Variants in OTOP1 observed in about 807,000 individuals in gnomAD.
OTOP1 encodes proton channel OTOP1.
OTOP1 carries 59 observed loss-of-function variants against 52.9 expected under a neutral mutation model. The ratio of observed to expected loss-of-function variants is 1.12; its 90% CI spans 0.91 to 1.39. The LOEUF (loss-of-function observed/expected upper bound fraction) is 1.39. Among genes scored for constraint, OTOP1 ranks in the 40% most tolerant of loss-of-function variants. The pLI, the probability that OTOP1 is intolerant of heterozygous loss-of-function variation, is 0.00. For missense variants in OTOP1, 761 were observed against 800.9 expected, an observed-to-expected ratio of 0.95 and a Z score of 0.60; for synonymous variants, 317 against 337.7, an observed-to-expected ratio of 0.94 and a Z score of 0.67.
At chr4:4,222,160 G>A (rs1363103731) in intron 1 of OTOP1, among the ~76,000 whole-genome samples, 1 of 152,018 alleles carries the variant, frequency 6.6e-6, no homozygotes, top group Non-Finnish European at 1.5e-5. Context: ...TGCCTTTAGG[G>A]GCTCAGTCTG....
In OTOP1 at chr4:4,192,309, C is replaced by T. The variant is rs55720508; in HGVS notation, c.1669-3336G>A. Among the ~76,000 whole-genome samples the T allele has an allele frequency of 4.7e-3, 719 of 152,260 alleles. 5 individuals carry two copies. The highest frequency in any genetic ancestry group is 0.017 in the African/African-American group (694 of 41,556). On this transcript the variant is annotated intron_variant, in intron 5 of 5. Coordinates refer to ENST00000296358, the MANE Select transcript of OTOP1 (RefSeq NM_177998.3). ...GCCCAGCCTCCCAGCCACCCCCACCCAAGGCACCAGACCACGGAACTTCTG... is the reference window on the plus strand; with the variant it reads ...GCCCAGCCTCCCAGCCACCCCCACCTAAGGCACCAGACCACGGAACTTCTG...
At chr4:4,214,728 T>C (rs964129542) in intron 1 of OTOP1, among the ~76,000 whole-genome samples, 5 of 152,226 alleles carry the variant, frequency 3.3e-5, no homozygotes, top group Non-Finnish European at 5.9e-5. Context: ...AGGATTTCAT[T>C]ATATGAGGTA....
chr4:4,206,102 T>A lies in OTOP1; in HGVS notation c.569A>T (p.Asp190Val). 6.2e-7 allele frequency: 1 copy of A among 1,608,178 alleles called. No homozygotes were observed. The highest frequency in any genetic ancestry group is 8.5e-7 in the Non-Finnish European group (1 of 1,174,776). Reference protein sequence around the residue: ...QVYFLWGHAKDIIQSFKTLER... With the variant: ...QVYFLWGHAKVIIQSFKTLER... The stretch of plus-strand genomic sequence containing the variant: ...CAGTGTTTTGAAAGACTGGATAATA[T>A]CCTTTGCATGCCCCCAAAGAAAATA... The change falls in exon 3 of 6, where the codon GAT (aspartate) becomes GTT (valine). Residue 190 changes from aspartate to valine, a missense_variant. Transcript: ENST00000296358.
chr4:4,202,917 C>A (rs1316066996), intron 3 of OTOP1, among the ~76,000 whole-genome samples: 1 of 152,132 alleles, frequency 6.6e-6, no homozygotes, highest in Admixed American at 6.5e-5. Context: ...CACCCCAAAT[C>A]TTTTTCCCAG....
intron 1 of OTOP1, among the ~76,000 whole-genome samples, chr4:4,213,543 T>C (rs951138146): frequency 5.3e-5 from 8 of 152,222 alleles, no homozygotes; most frequent in African/African-American, 1.9e-4. Context: ...ATTAAATACC[T>C]CATATAATGA....
intron 2 of OTOP1, among the ~76,000 whole-genome samples, chr4:4,211,049 G>T (rs1444156399): frequency 1.3e-5 from 2 of 152,110 alleles, no homozygotes; most frequent in Non-Finnish European, 2.9e-5. Flanking sequence ...CCCTCAGCAA[G>T]CTCCCCAGTG....
chr4:4,199,233 T>TGAGAGAGAGA lies in OTOP1; in HGVS notation c.731-1140_731-1131dup, dbSNP rs71600542. Among the ~76,000 whole-genome samples, 223 of 98,550 alleles carry TGAGAGAGAGA rather than the reference T, an allele frequency of 2.3e-3. 17 individuals are homozygous for TGAGAGAGAGA. Among genetic ancestry groups the TGAGAGAGAGA allele is most frequent in the African/African-American group, 8.8e-3 (198 of 22,618 alleles). 64.7% of individuals were successfully genotyped at this position (98,550 alleles called of 152,430 possible). On this transcript the variant is annotated intron_variant, in intron 4 of 5. Coordinates refer to ENST00000296358, the MANE Select transcript of OTOP1 (RefSeq NM_177998.3). ...ACTCAGGTAAAATTGTGTGTGTGTG[T>TGAGAGAGAGA]GAGAGAGAGAGAGAGAGAGAGAGAG...
rs375579084 is a variant in OTOP1 at position 4,217,183 on chromosome 4, G to A, written c.404-4179C>T. On this transcript the variant is annotated intron_variant, in intron 1 of 5. Transcript: ENST00000296358. ...CATTCATCCAGGGATTCATTCACCC[G>A]GTTATTTATACAACAAATATCTTGG... 2.8e-4 allele frequency among the ~76,000 whole-genome samples: 42 copies of A among 152,244 alleles called. 1 individual carries two copies. The highest frequency in any genetic ancestry group is 9.7e-4 in the East Asian group (5 of 5,180).
chr4:4,218,928 CA>C (rs1159666646), intron 1 of OTOP1, among the ~76,000 whole-genome samples: 73 of 136,712 alleles, frequency 5.3e-4, no homozygotes, highest in Admixed American at 1.1e-3. Context: ...GACTCCGTCT[CA>C]AAAAAAAAAG....
At chr4:4,220,813 C>T (rs1717284244) in intron 1 of OTOP1, among the ~76,000 whole-genome samples, 1 of 152,082 alleles carries the variant, frequency 6.6e-6, no homozygotes, top group Admixed American at 6.6e-5. Context: ...CTTTGTTAGG[C>T]ACCCAAATCC....
intron 1 of OTOP1, among the ~76,000 whole-genome samples, chr4:4,219,526 C>T (rs550632207): frequency 1.1e-3 from 166 of 151,826 alleles, no homozygotes; most frequent in African/African-American, 3.9e-3. Flanking sequence ...ACGGTGAAAC[C>T]CCGTCTCTAC....
chr4:4,202,272 T>C (rs1176943763), intron 4 of OTOP1, among the ~76,000 whole-genome samples, 176 bp downstream of exon 4: 2 of 152,166 alleles, frequency 1.3e-5, no homozygotes, highest in African/African-American at 4.8e-5. Flanking sequence ...ACATCACTTA[T>C]GAGAGATTCA....
At chr4:4,207,131 A>G (rs1345762596) in intron 2 of OTOP1, among the ~76,000 whole-genome samples, 1 of 152,214 alleles carries the variant, frequency 6.6e-6, no homozygotes, top group African/African-American at 2.4e-5. Context: ...TTTACCTAAG[A>G]TTTACTGTCT....
intron 4 of OTOP1, among the ~76,000 whole-genome samples, chr4:4,201,502 A>T (rs994328712): frequency 6.6e-6 from 1 of 151,582 alleles, no homozygotes; most frequent in African/African-American, 2.4e-5. Flanking sequence ...ACACACACAT[A>T]CACACACACA....
intron 4 of OTOP1, among the ~76,000 whole-genome samples, chr4:4,198,827 T>C (rs1716711336): frequency 6.6e-6 from 1 of 152,162 alleles, no homozygotes; most frequent in South Asian, 2.1e-4. Flanking sequence ...CGATGCAGTC[T>C]CTGACCCATA....
intron 1 of OTOP1, among the ~76,000 whole-genome samples, chr4:4,225,879 G>T (rs1344522167): frequency 1.3e-5 from 2 of 152,194 alleles, no homozygotes; most frequent in Non-Finnish European, 2.9e-5. Flanking sequence ...GCAAAGCCGG[G>T]AGGAGAAGGG....
intron 5 of OTOP1, among the ~76,000 whole-genome samples, chr4:4,191,304 G>A (rs1303742211): frequency 1.3e-5 from 2 of 152,072 alleles, no homozygotes; most frequent in African/African-American, 4.8e-5. Flanking sequence ...GTGGCCCCCT[G>A]CCTGGTCTCC....
rs1160985447 is a variant in OTOP1, at chr4:4,188,971, A to C, written c.1671T>G (p.Leu557=). Residue 557 remains leucine (L), a splice_region_variant and synonymous_variant, in exon 6 of 6, where the codon CTT becomes CTG. Coordinates refer to ENST00000296358, the MANE Select transcript of OTOP1 (RefSeq NM_177998.3). The part of the protein sequence containing the change: ...AAFLFLCNIS[L]WIPPAFGCRP... Reference sequence around the variant, plus strand: ...GACAGCCAAAGGCGGGAGGTATCCAAAGCTGCAAGAGAAGAGAAAATGGCA... The same window carrying C: ...GACAGCCAAAGGCGGGAGGTATCCACAGCTGCAAGAGAAGAGAAAATGGCA... 5 of 1,611,398 alleles carry C rather than the reference A, an allele frequency of 3.1e-6. No individual in the cohort carries two copies. The highest frequency in any genetic ancestry group is 4.2e-6 in the Non-Finnish European group (5 of 1,178,788).
rs754065457 is a variant in OTOP1 at position 4,197,116 on chromosome 4, G to T, written c.1668+50C>A. The T allele has an allele frequency of 2.0e-6, 3 of 1,525,388 alleles. No individual in the cohort carries two copies. In the South Asian group the frequency reaches 3.9e-5, roughly 20 times the overall value. The allele number at this position is 1,525,388 out of a possible 1,614,324, so 94.5% of individuals were successfully genotyped here. A position where few individuals can be genotyped will look rare whatever the true frequency, so the allele number is the denominator to read the frequency against. ...CATGTGTACCCCTTGAACCGAAAAT[G>T]AAAGTTTAAAGTAAAATTAAAAGAA... is the stretch of plus-strand genomic sequence containing the variant. On this transcript the variant is annotated intron_variant, in intron 5 of 5. Coordinates refer to ENST00000296358, the MANE Select transcript of OTOP1 (RefSeq NM_177998.3).
Sources: gnomAD v4.1 joint callset for allele counts (sites outside exome capture counted in the v4.1 genomes callset) on GRCh38, gnomAD v4.1.1 for gene constraint, MANE v1.5 for transcripts, NCBI Gene and HGNC (gene_info 2026-07-23, HGNC 2026-07-21) for gene names.